The following ITGBL1 variants were observed in gnomAD, a reference collection of about 807,000 sequenced individuals.
ITGBL1 encodes the protein integrin subunit beta like 1, also known as integrin beta-like protein 1.
A neutral mutation model predicts 68.5 loss-of-function variants in ITGBL1; 51 were observed. That is an observed-to-expected ratio of 0.74 (90% confidence interval 0.59 to 0.94). The LOEUF (loss-of-function observed/expected upper bound fraction) is 0.94. ITGBL1 is among the 40% of genes least tolerant of loss of function. The probability of loss-of-function intolerance (pLI) is 0.00; values close to 1 mark genes in which losing one functional copy is unlikely to be tolerated. For missense variants in ITGBL1, 649 were observed against 647.4 expected, an observed-to-expected ratio of 1.00 and a Z score of -0.03; for synonymous variants, 209 against 227.3, an observed-to-expected ratio of 0.92 and a Z score of 0.72.
intron 2 of ITGBL1, among the ~76,000 whole-genome samples, chr13:101,531,603 A>ATT (rs72456823): frequency 0.067 from 7,221 of 107,092 alleles, 371 homozygotes; most frequent in Non-Finnish European, 0.087. Flanking sequence ...TTCATAGCGT[A>ATT]TTTTTTGGGG....
intron 2 of ITGBL1, among the ~76,000 whole-genome samples, chr13:101,487,789 T>C (rs934624053): frequency 1.3e-5 from 2 of 152,260 alleles, no homozygotes; most frequent in African/African-American, 4.8e-5. Flanking sequence ...AGAGCTCTTC[T>C]GCATCAACTG....
intron 6 of ITGBL1, among the ~76,000 whole-genome samples, chr13:101,590,751 G>T (rs150857087): frequency 6.6e-6 from 1 of 152,092 alleles, no homozygotes; most frequent in South Asian, 2.1e-4. Context: ...AAAGCCATTG[G>T]CTCCTGTGAA....
intron 8 of ITGBL1, among the ~76,000 whole-genome samples, chr13:101,700,634 AG>A (rs2034115306): frequency 6.6e-6 from 1 of 152,212 alleles, no homozygotes; most frequent in South Asian, 2.1e-4. Context: ...TTTTTTACCA[AG>A]AGTAAATCAT....
At chr13:101,494,816 G>A (rs2048832529) in intron 2 of ITGBL1, among the ~76,000 whole-genome samples, 1 of 152,108 alleles carries the variant, frequency 6.6e-6, no homozygotes, top group South Asian at 2.1e-4. Context: ...ACATGCATAA[G>A]ACAAAAATGT....
intron 6 of ITGBL1, among the ~76,000 whole-genome samples, chr13:101,590,335 C>T (rs2050629805): frequency 6.6e-6 from 1 of 152,116 alleles, no homozygotes; most frequent in African/African-American, 2.4e-5. Context: ...TAAGAACGTT[C>T]TCCCTTCAGT....
intron 2 of ITGBL1, among the ~76,000 whole-genome samples, chr13:101,551,169 T>A (rs948395072): frequency 2.6e-5 from 4 of 152,048 alleles, no homozygotes; most frequent in Admixed American, 2.0e-4. Flanking sequence ...ACAAATGAGG[T>A]AAGGATTTAA....
chr13:101,493,693 T>A (rs1247606692), intron 2 of ITGBL1, among the ~76,000 whole-genome samples: 1 of 152,214 alleles, frequency 6.6e-6, no homozygotes, highest in Non-Finnish European at 1.5e-5. Flanking sequence ...AAAATGTCCT[T>A]GCACCTGGGG....
chr13:101,584,243 A>G (rs528393581), intron 6 of ITGBL1, among the ~76,000 whole-genome samples: 1 of 152,314 alleles, frequency 6.6e-6, no homozygotes, highest in African/African-American at 2.4e-5. Context: ...CTTTGACTTC[A>G]TGGAGTTTGC....
At position 101,583,388 on chromosome 13, in the gene ITGBL1, A is replaced by T. The variant is rs143367961; in HGVS notation, c.868+32A>T. 3,189 of 1,309,318 alleles carry T rather than the reference A, an allele frequency of 2.4e-3. 52 individuals carry two copies. The African/African-American group carries it at 0.041, about 17-fold the overall frequency. The allele number at this position is 1,309,318 out of a possible 1,614,324, so 81.1% of individuals were successfully genotyped here. A position where few individuals can be genotyped will look rare whatever the true frequency, so the allele number is the denominator to read the frequency against. ...GCTCTTCCAATTCCTGTTTTTCTGG[A>T]GGGGGAGGTGGGGCTTGTTAATGGG... On this transcript the variant is annotated intron_variant, in intron 6 of 10. Transcript: ENST00000376180.
At chr13:101,468,792 A>G (rs951778508) in intron 2 of ITGBL1, among the ~76,000 whole-genome samples, 3 of 152,236 alleles carry the variant, frequency 2.0e-5, no homozygotes, top group African/African-American at 4.8e-5. Context: ...AGATAGCCGA[A>G]ATCACTGGGA....
At chr13:101,671,129 A>T (rs1264977979) in intron 7 of ITGBL1, among the ~76,000 whole-genome samples, 1 of 152,178 alleles carries the variant, frequency 6.6e-6, no homozygotes, top group East Asian at 1.9e-4. Context: ...GATGCCTAGA[A>T]AAGACTCCAG....
intron 8 of ITGBL1, among the ~76,000 whole-genome samples, chr13:101,697,804 C>T (rs1260725823): frequency 1.3e-5 from 2 of 152,090 alleles, no homozygotes; most frequent in Non-Finnish European, 2.9e-5. Flanking sequence ...TTGATGAATG[C>T]CCTGTATCTG....
rs557821478 is a variant in ITGBL1, at chr13:101,459,863, T to C, written c.316+5763T>C. Among the ~76,000 whole-genome samples, 192 of 152,372 alleles carry C rather than the reference T, an allele frequency of 1.3e-3. 1 individual carries two copies. The highest frequency in any genetic ancestry group is 4.3e-3 in the African/African-American group (180 of 41,592). ...AGAATACATTGAAACATTTTTAATA[T>C]GTAAAAATTAGTAATTTTTTTTCTT... On this transcript the variant is annotated intron_variant, in intron 2 of 10. Transcript: ENST00000376180.
At chr13:101,542,462 T>A (rs553655162) in intron 2 of ITGBL1, among the ~76,000 whole-genome samples, 16 of 152,294 alleles carry the variant, frequency 1.1e-4, no homozygotes, top group African/African-American at 3.9e-4. Flanking sequence ...TGCTGAGGAG[T>A]GCTTTACTTC....
chr13:101,583,342 A>T lies in ITGBL1; in HGVS notation c.854A>T (p.Asp285Val). 6.3e-7 allele frequency: 1 copy of T among 1,586,108 alleles called. No individual in the cohort carries two copies. The highest frequency in any genetic ancestry group is 8.6e-7 in the Non-Finnish European group (1 of 1,166,882). The change falls in exon 6 of 11, where the codon GAT becomes GTT. Residue 285 changes from aspartate to valine, a missense_variant. Transcript: ENST00000376180. ...DCRAVYDRYSDDFCSGHGQCN... is the reference protein window; with the variant it reads ...DCRAVYDRYSVDFCSGHGQCN... ...AGAGCTGTCTATGACCGATATTCTG[A>T]TGACTTCTGTTCAGGTAAGGGCTCT...
chr13:101,464,798 G>A (rs1324298837), intron 2 of ITGBL1, among the ~76,000 whole-genome samples: 1 of 152,120 alleles, frequency 6.6e-6, no homozygotes, highest in African/African-American at 2.4e-5. Flanking sequence ...ATATATGTGT[G>A]AGTCTAAATG....
intron 7 of ITGBL1, among the ~76,000 whole-genome samples, chr13:101,614,549 GC>G (rs2031272970): frequency 6.6e-6 from 1 of 152,138 alleles, no homozygotes; most frequent in South Asian, 2.1e-4. Context: ...GAACTGACCA[GC>G]GAATCCATAT....
At chr13:101,484,482 G>T (rs59864582) in intron 2 of ITGBL1, among the ~76,000 whole-genome samples, 64 of 152,176 alleles carry the variant, frequency 4.2e-4, no homozygotes, top group African/African-American at 1.5e-3. Context: ...CACAATATTT[G>T]ATATGAAAAA....
In ITGBL1 at chr13:101,699,662, G is replaced by A. The variant is rs143251561; in HGVS notation, c.1132+6961G>A. ...CCTCCCCAGTCATGCAGAACTGTGA[G>A]TCAATTAAACCTCTTTCCTTCCAAA... On this transcript the variant is annotated intron_variant, in intron 8 of 10. Transcript: ENST00000376180. Among the ~76,000 whole-genome samples the A allele has an allele frequency of 3.9e-4, 60 of 152,290 alleles. 1 individual carries two copies. In the East Asian group the frequency reaches 0.011, roughly 28 times the overall value.
Sources: gnomAD v4.1 joint callset for allele counts (sites outside exome capture counted in the v4.1 genomes callset) on GRCh38, gnomAD v4.1.1 for gene constraint, MANE v1.5 for transcripts, NCBI Gene and HGNC (gene_info 2026-07-23, HGNC 2026-07-21) for gene names.